The following EVC2 variants were observed in gnomAD, a reference collection of about 807,000 sequenced individuals.
EVC2 encodes EvC ciliary complex subunit 2, also known as limbin.
Under a neutral mutation model 149.3 loss-of-function variants are expected in EVC2, and 148 were observed. The ratio of observed to expected loss-of-function variants is 0.99; its 90% confidence interval spans 0.87 to 1.14. EVC2 has a LOEUF of 1.14. EVC2 is among the 50% of genes most tolerant of loss of function. The pLI is 0.00. For missense variants in EVC2, 1,854 were observed against 1,627.3 expected (o/e 1.14, Z -2.40); for synonymous variants, 776 against 649.9 (o/e 1.19, Z -2.95).
chr4:5,549,847 G>A (rs1374239238), intron 21 of EVC2, among the ~76,000 whole-genome samples: 2 of 152,196 alleles, frequency 1.3e-5, no homozygotes, highest in Admixed American at 1.3e-4. Context: ...CACATGTTGT[G>A]GGAGGTAATT....
At chr4:5,573,629 G>T (rs1317399997) in intron 19 of EVC2, among the ~76,000 whole-genome samples, 1 of 152,200 alleles carries the variant, frequency 6.6e-6, no homozygotes, top group Non-Finnish European at 1.5e-5. Flanking sequence ...AACCGATGTT[G>T]GATTTCTGAC....
At chr4:5,563,903 G>C (rs1374534032) in intron 21 of EVC2, among the ~76,000 whole-genome samples, 1 of 152,092 alleles carries the variant, frequency 6.6e-6, no homozygotes. Context: ...GGCACACTTT[G>C]AGAATGTCCC....
At chr4:5,577,134 C>A (rs573915799) in intron 17 of EVC2, among the ~76,000 whole-genome samples, 1 of 152,238 alleles carries the variant, frequency 6.6e-6, no homozygotes, top group Non-Finnish European at 1.5e-5. Context: ...TCTAAGTTCT[C>A]TTGCTTTATA....
In EVC2 at chr4:5,693,387, C is replaced by T. The variant is rs563970497; in HGVS notation, c.450+948G>A. On this transcript the variant is annotated intron_variant, in intron 3 of 21. Coordinates refer to ENST00000344408, the MANE Select transcript of EVC2 (RefSeq NM_147127.5). Reference sequence around the variant, plus strand: ...TGGACTATCCAGGTGGGCCTGACATCCAATGACAAGTGTCCTTATAAGTGG... The same window carrying T: ...TGGACTATCCAGGTGGGCCTGACATTCAATGACAAGTGTCCTTATAAGTGG... 2.0e-5 allele frequency among the ~76,000 whole-genome samples: 3 copies of T among 152,308 alleles called. No homozygotes were observed. The South Asian group carries it at 6.2e-4, about 32-fold the overall frequency.
the EVC2 span, among the ~76,000 whole-genome samples, chr4:5,532,740 CT>C: frequency 2.6e-5 from 4 of 152,046 alleles, no homozygotes; most frequent in Non-Finnish European, 5.9e-5. Flanking sequence ...GGCTTTAAGA[CT>C]TCGTCAAGCA....
At chr4:5,619,670 C>T (rs1715534370) in intron 14 of EVC2, among the ~76,000 whole-genome samples, 1 of 152,156 alleles carries the variant, frequency 6.6e-6, no homozygotes. Flanking sequence ...ATTGCTGTTC[C>T]TTACACCAAA....
At chr4:5,586,093 C>T (rs1177584341) in intron 16 of EVC2, among the ~76,000 whole-genome samples, 3 of 152,112 alleles carry the variant, frequency 2.0e-5, no homozygotes. Flanking sequence ...AACGCCTGGC[C>T]TCAAGTGATC....
downstream of EVC2, among the ~76,000 whole-genome samples, chr4:5,557,717 G>A (rs1721861749): frequency 6.6e-6 from 1 of 152,108 alleles, no homozygotes; most frequent in Non-Finnish European, 1.5e-5. Flanking sequence ...GGATAGTAAG[G>A]TTGCAGGATA....
intron 17 of EVC2, among the ~76,000 whole-genome samples, chr4:5,578,296 A>AATG (rs1362712951): frequency 1.3e-5 from 2 of 152,136 alleles, no homozygotes; most frequent in African/African-American, 2.4e-5. Flanking sequence ...CAATAACAAC[A>AATG]ATGATGATGA....
the EVC2 span, among the ~76,000 whole-genome samples, chr4:5,535,039 AGAG>A: frequency 6.6e-6 from 1 of 152,128 alleles, no homozygotes; most frequent in Non-Finnish European, 1.5e-5. The surrounding 1 kb of genome is among the most constrained non-coding windows in gnomAD (Gnocchi z 4.7). Context: ...GGCAGTAGGC[AGAG>A]GTTCCCTCAA....
At chr4:5,549,881 T>C (rs549564628) in intron 21 of EVC2, among the ~76,000 whole-genome samples, 1 of 152,312 alleles carries the variant, frequency 6.6e-6, no homozygotes, top group South Asian at 2.1e-4. Context: ...TGGTCTTTCC[T>C]GTGCTGTTCT....
chr4:5,689,311 G>A lies in EVC2; in HGVS notation c.552C>T (p.Arg184=). The A allele has an allele frequency of 6.2e-7, 1 of 1,614,192 alleles. No homozygotes were observed. Among genetic ancestry groups the A allele is most frequent in the Non-Finnish European group, 8.5e-7 (1 of 1,180,042 alleles). The change falls in exon 5 of 22, where the codon CGC becomes CGT. Residue 184 remains arginine, a synonymous_variant. Transcript: ENST00000344408. The part of the protein sequence containing the change: ...VSGSSEAQTA[R]IWLLVNNTKT... ...TGGTGTTGTTAACAAGCAGCCATAT[G>A]CGGGCTGTCTGTGCTTCACTCGACC...
intron 7 of EVC2, among the ~76,000 whole-genome samples, chr4:5,676,514 G>A (rs1337345492): frequency 1.3e-5 from 2 of 152,108 alleles, no homozygotes; most frequent in African/African-American, 2.4e-5. Flanking sequence ...GCAGGTCCCC[G>A]CCGCCATCAG....
At chr4:5,535,637 G>A in the EVC2 span, among the ~76,000 whole-genome samples, 2 of 150,484 alleles carry the variant, frequency 1.3e-5, no homozygotes, top group East Asian at 1.9e-4. The surrounding 1 kb of genome is among the most constrained non-coding windows in gnomAD (Gnocchi z 4.7). Context: ...GAGAGAGAAA[G>A]AGATAATCTC....
chr4:5,650,634 T>TAGAGAG (rs1204960392), intron 9 of EVC2, among the ~76,000 whole-genome samples: 149 of 58,098 alleles, frequency 2.6e-3, no homozygotes, highest in Non-Finnish European at 4.1e-3. Context: ...TATATATATA[T>TAGAGAG]ATATAGAGAG....
chr4:5,687,857 G>T (rs955701475), intron 5 of EVC2, among the ~76,000 whole-genome samples: 1 of 152,086 alleles, frequency 6.6e-6, no homozygotes, highest in Non-Finnish European at 1.5e-5. Flanking sequence ...AGAGTGTCTG[G>T]GTGACATTGT....
chr4:5,550,527 C>T lies in EVC2; in HGVS notation c.3420-7315G>A, dbSNP rs765051180. On this transcript the variant is annotated intron_variant and NMD_transcript_variant, in intron 21 of 22. Transcript: ENST00000475313. Reference sequence around the variant, plus strand: ...AGCAAAGCATTCAAGAGGTGACTTGCGTGCTGTTAAAGGCATTCAGTTTTA... The same window carrying T: ...AGCAAAGCATTCAAGAGGTGACTTGTGTGCTGTTAAAGGCATTCAGTTTTA... Among the ~76,000 whole-genome samples the T allele has an allele frequency of 1.7e-4, 26 of 152,274 alleles. 1 individual carries two copies. The highest frequency in any genetic ancestry group is 6.0e-4 in the African/African-American group (25 of 41,548).
chr4:5,626,390 G>A (rs1293509148), intron 12 of EVC2, among the ~76,000 whole-genome samples: 3 of 146,286 alleles, frequency 2.1e-5, no homozygotes, highest in Non-Finnish European at 4.5e-5. Flanking sequence ...CTGGAGTGCA[G>A]TGGCACCATC....
chr4:5,631,927 G>A lies in EVC2; in HGVS notation c.1576C>T (p.His526Tyr). 6.2e-7 allele frequency: 1 copy of A among 1,614,146 alleles called. No individual in the cohort carries two copies. The highest frequency in any genetic ancestry group is 8.5e-7 in the Non-Finnish European group (1 of 1,180,014). ...LQQEEDFAKAHRQLAVFQRNE... is the reference protein window; with the variant it reads ...LQQEEDFAKAYRQLAVFQRNE... ...CTCTGGAAAACAGCCAGCTGTCTGT[G>A]AGCTTTGGCAAAGTCTTCTTCTTGT... Residue 526 changes from histidine (H) to tyrosine (Y), a missense_variant, in exon 11 of 22, where the codon CAC (histidine) becomes TAC (tyrosine). By Grantham distance (83) the His-to-Tyr change is moderately conservative. Coordinates refer to ENST00000344408, the MANE Select transcript of EVC2 (RefSeq NM_147127.5).
Sources: gnomAD v4.1 joint callset for allele counts (sites outside exome capture counted in the v4.1 genomes callset) on GRCh38, gnomAD v4.1.1 for gene constraint, Gnocchi (gnomAD v3.1) non-coding constraint, MANE v1.5 for transcripts, NCBI Gene and HGNC (gene_info 2026-07-23, HGNC 2026-07-21) for gene names.